The following HEATR5B variants were observed in gnomAD, a reference collection of about 807,000 sequenced individuals.
HEATR5B encodes the protein HEAT repeat-containing protein 5B.
In HEATR5B, 156 loss-of-function variants were observed where a neutral mutation model predicts 224.1. That is an observed-to-expected ratio of 0.70 (90% confidence interval 0.61 to 0.80). The LOEUF is 0.80. HEATR5B is among the 30% of genes least tolerant of loss of function. The pLI, the probability that HEATR5B is intolerant of heterozygous loss-of-function variation, is 0.00. For missense variants in HEATR5B, 2,323 were observed against 2,535.5 expected (o/e 0.92, Z 1.80); for synonymous variants, 1,027 against 893.0 (o/e 1.15, Z -2.68).
Position 36,981,495 on chromosome 2 carries a change from A to G in HEATR5B, c.6211T>C (p.Phe2071Leu), listed in dbSNP as rs1261881676. Residue 2071 changes from phenylalanine (F) to leucine (L), a missense_variant, in exon 36 of 36, where the codon TTT becomes CTT. Around this residue, in one of 12 missense-constraint regions of HEATR5B, gnomAD observed 844 missense variants for 812.9 expected, o/e 1.04. Coordinates refer to ENST00000233099, the MANE Select transcript of HEATR5B (RefSeq NM_019024.3). Reference protein sequence around the residue: ...APTIKLKTSFF With the variant: ...APTIKLKTSFL Reference sequence around the variant, plus strand: ...CAAATAAATGAAATTACAAATTAAAAAAAACTTGTTTTTAGCTTAATTGTT... The same window carrying G: ...CAAATAAATGAAATTACAAATTAAAGAAAACTTGTTTTTAGCTTAATTGTT... 1 of 1,595,192 alleles carries G rather than the reference A, an allele frequency of 6.3e-7. No homozygotes were observed. The highest frequency in any genetic ancestry group is 8.5e-7 in the Non-Finnish European group (1 of 1,171,708).
At chr2:36,984,215 A>AAAAAAAAAAAAAAATATATAT in intron 35 of HEATR5B, among the ~76,000 whole-genome samples, 1 of 77,640 alleles carries the variant, frequency 1.3e-5, no homozygotes, top group East Asian at 6.2e-4. Flanking sequence ...AAAAAAAAAA[A>AAAAAAAAAAAAAAATATATAT]ATATATATAT....
chr2:37,028,557 A>C, intron 23 of HEATR5B, 124 bp downstream of exon 23: 2 of 704,914 alleles, frequency 2.8e-6, no homozygotes, highest in East Asian at 3.0e-5. Flanking sequence ...TTTGTAGATC[A>C]AAAGTTATTA....
At chr2:37,066,614 G>A (rs1466669107) in intron 8 of HEATR5B, among the ~76,000 whole-genome samples, 1 of 152,006 alleles carries the variant, frequency 6.6e-6, no homozygotes, top group Non-Finnish European at 1.5e-5. Context: ...AAATGTGTTT[G>A]ACAAGAGACA....
Position 37,005,715 on chromosome 2 carries a change from T to G in HEATR5B, c.4822A>C (p.Ile1608Leu), listed in dbSNP as rs181115658. ...FLCSPRPEEP[I>L]EHVTACLQAL... ...TGCAGGCATGCTGTAACATGTTCAATGGGCTCCTCAGGTCTAGGGGAACAA... is the reference window on the plus strand; with the variant it reads ...TGCAGGCATGCTGTAACATGTTCAAGGGGCTCCTCAGGTCTAGGGGAACAA... The change falls in exon 30 of 36, where the codon ATT becomes CTT. Residue 1608 changes from isoleucine (I) to leucine (L), a missense_variant. Ile to Leu is a conservative substitution (Grantham distance 5, BLOSUM62 2). Coordinates refer to ENST00000233099, the MANE Select transcript of HEATR5B (RefSeq NM_019024.3). The G allele has an allele frequency of 5.4e-5, 87 of 1,610,838 alleles. No homozygotes were observed. In the Admixed American group the frequency reaches 1.5e-3, roughly 27 times the overall value.
At chr2:36,986,177 A>G (rs560861400) in intron 35 of HEATR5B, among the ~76,000 whole-genome samples, 2 of 152,346 alleles carry the variant, frequency 1.3e-5, no homozygotes, top group South Asian at 2.1e-4. Context: ...TAAAATAAAA[A>G]TACAAATAAA....
intron 24 of HEATR5B, 81 bp downstream of exon 24, chr2:37,027,842 T>C: frequency 7.2e-7 from 1 of 1,380,148 alleles, no homozygotes; most frequent in Non-Finnish European, 1.0e-6. Context: ...GCTATATCTG[T>C]CGCAGTAAAA....
intron 21 of HEATR5B, among the ~76,000 whole-genome samples, chr2:37,037,348 T>C (rs1572861326): frequency 6.6e-6 from 1 of 151,784 alleles, no homozygotes; most frequent in East Asian, 1.9e-4. Context: ...TTTCACCATA[T>C]TGGCCAGGCT....
At chr2:37,013,045 T>C (rs1459649317) in intron 27 of HEATR5B, among the ~76,000 whole-genome samples, 9 of 151,820 alleles carry the variant, frequency 5.9e-5, no homozygotes, top group Admixed American at 3.9e-4. Flanking sequence ...GAGCTGAAGC[T>C]AAACAACACT....
chr2:37,058,900 G>T lies in HEATR5B; in HGVS notation c.1937C>A (p.Thr646Asn). The change falls in exon 13 of 36, where the codon ACT becomes AAT. Residue 646 changes from threonine to asparagine, a missense_variant. Coordinates refer to ENST00000233099, the MANE Select transcript of HEATR5B (RefSeq NM_019024.3). ...KLMTPIECAM[T>N]MMSHIPSVMK... The stretch of plus-strand genomic sequence containing the variant: ...ATCGCTTACTTACTGTGACATCATA[G>T]TCATGGCACATTCAATAGGGGTCAT... 1.3e-6 allele frequency: 2 copies of T among 1,596,052 alleles called. No individual in the cohort carries two copies. The highest frequency in any genetic ancestry group is 1.7e-6 in the Non-Finnish European group (2 of 1,165,402).
At chr2:37,006,598 G>A (rs970784549) in intron 29 of HEATR5B, among the ~76,000 whole-genome samples, 11 of 152,130 alleles carry the variant, frequency 7.2e-5, no homozygotes, top group African/African-American at 1.7e-4. Context: ...CCGAGATTGC[G>A]CCACTGCACT....
chr2:37,047,390 T>C (rs1283093578), intron 18 of HEATR5B, among the ~76,000 whole-genome samples: 1 of 152,160 alleles, frequency 6.6e-6, no homozygotes, highest in Non-Finnish European at 1.5e-5. Context: ...TTCTAAAACA[T>C]TACACAGATT....
Position 37,008,830 on chromosome 2 carries a change from T to C in HEATR5B, c.4303A>G (p.Asn1435Asp). Residue 1435 changes from asparagine to aspartate, a missense_variant, in exon 28 of 36, where the codon AAT (asparagine) becomes GAT (aspartate). Asn to Asp is a conservative substitution (Grantham distance 23). This residue lies in a region of HEATR5B where 844 missense variants were observed against 812.9 expected (regional missense o/e 1.04). Transcript: ENST00000233099. ...TTTGACTCTGCTTCCTTTTTAATAT[T>C]CATAGCGACCACATATACCTAATAT... ...AWAEVYVVAM[N>D]IKKEAESKPK... is the part of the protein sequence containing the mutation. 1 of 1,609,006 alleles carries C rather than the reference T, an allele frequency of 6.2e-7. No homozygotes were observed. Among genetic ancestry groups the C allele is most frequent in the Non-Finnish European group, 8.5e-7 (1 of 1,175,612 alleles).
intron 24 of HEATR5B, among the ~76,000 whole-genome samples, chr2:37,024,527 A>T (rs559928341): frequency 5.3e-5 from 8 of 152,316 alleles, no homozygotes; most frequent in Admixed American, 5.2e-4. Context: ...AATTAAAAAA[A>T]TTTTGCCCAA....
At chr2:37,064,595 T>G in intron 10 of HEATR5B, 145 bp downstream of exon 10, 2 of 763,710 alleles carry the variant, frequency 2.6e-6, no homozygotes, top group Non-Finnish European at 4.3e-6. Context: ...TAGGGTCTGT[T>G]AACACCATAG....
intron 16 of HEATR5B, 101 bp downstream of exon 16, chr2:37,056,339 A>G (rs1489116000): frequency 6.6e-6 from 5 of 753,200 alleles, no homozygotes; most frequent in African/African-American, 3.6e-5. Flanking sequence ...AAGTATTATA[A>G]TAACTCACTT....
chr2:37,008,747 A>G lies in HEATR5B; in HGVS notation c.4386T>C (p.Asp1462=), dbSNP rs766668235. The part of the protein sequence containing the change: ...DDDDDDCGTI[D]ELPPDSLITL... ...TTATTAAACTATCTGGTGGCAGTTC[A>G]TCGATGGTACCACAGTCGTCATCAT... Residue 1462 remains aspartate, a synonymous_variant, in exon 28 of 36, where the codon GAT becomes GAC. Coordinates refer to ENST00000233099, the MANE Select transcript of HEATR5B (RefSeq NM_019024.3). The G allele has an allele frequency of 9.5e-5, 154 of 1,613,858 alleles. 1 individual carries two copies. Among genetic ancestry groups the G allele is most frequent in the Non-Finnish European group, 5.9e-5 (70 of 1,179,848 alleles).
chr2:37,014,193 GCT>G (rs1046713000), intron 26 of HEATR5B, among the ~76,000 whole-genome samples, 173 bp from the exon 27 acceptor site: 10 of 152,050 alleles, frequency 6.6e-5, no homozygotes, highest in African/African-American at 2.4e-4. Context: ...ACAGAGTTTT[GCT>G]CTGTCACCCA....
rs1333863027 is a variant in HEATR5B, at chr2:37,064,868, T to C, written c.1456A>G (p.Arg486Gly). 3 of 1,613,960 alleles carry C rather than the reference T, an allele frequency of 1.9e-6. No homozygotes were observed. In the East Asian group the frequency reaches 6.7e-5, roughly 36 times the overall value. Reference sequence around the variant, plus strand: ...AAGTTGTTGAGCCGTTCTGCACACCTGTCTAGAAATGGTGTCAGCTGGAAA... The same window carrying C: ...AAGTTGTTGAGCCGTTCTGCACACCCGTCTAGAAATGGTGTCAGCTGGAAA... ...LPFQLTPFLD[R>G]CAERLNNLKT... Residue 486 changes from arginine to glycine, a missense_variant, in exon 10 of 36, where the codon AGG becomes GGG. This residue lies in a region of HEATR5B where 502 missense variants were observed against 517.8 expected (regional missense o/e 0.97). Transcript: ENST00000233099.
intron 16 of HEATR5B, among the ~76,000 whole-genome samples, 157 bp from the exon 17 acceptor site, chr2:37,053,764 C>T (rs1278280354): frequency 2.0e-5 from 3 of 152,114 alleles, no homozygotes; most frequent in South Asian, 2.1e-4. Flanking sequence ...ACCAGATCTC[C>T]TTCTCCCAAA....
Sources: allele counts gnomAD v4.1 joint callset (sites outside exome capture counted in the v4.1 genomes callset), GRCh38; gene constraint gnomAD v4.1.1; regional missense constraint gnomAD v4.1.1; transcripts MANE v1.5; gene names NCBI Gene and HGNC (gene_info 2026-07-23, HGNC 2026-07-21).